Variants in ZNF728 observed in about 807,000 individuals in gnomAD.
The protein encoded by ZNF728 is zinc finger protein 728.
A neutral mutation model predicts 12.5 loss-of-function variants in ZNF728; 12 were observed. The ratio of observed to expected loss-of-function variants is 0.96; its 90% confidence interval spans 0.61 to 1.55. The LOEUF is 1.55. Among genes scored for constraint, ZNF728 ranks in the 40% most tolerant of loss-of-function variants. The pLI, the probability that ZNF728 is intolerant of heterozygous loss-of-function variation, is 0.00. For synonymous variants in ZNF728, 205 were observed against 240.7 expected (o/e 0.85, Z 1.37); for missense variants, 692 against 719.2 (o/e 0.96, Z 0.43).
chr19:22,999,870 A>G (rs1168131127), intron 1 of ZNF728, among the ~76,000 whole-genome samples: 1 of 152,222 alleles, frequency 6.6e-6, no homozygotes, highest in African/African-American at 2.4e-5. Context: ...AAAGATATTT[A>G]CTTTAGCAAG....
intron 1 of ZNF728, 126 bp downstream of exon 1, chr19:23,002,902 A>C: frequency 7.7e-7 from 1 of 1,297,072 alleles, no homozygotes; most frequent in South Asian, 1.4e-5. Flanking sequence ...CGAGCTAGGC[A>C]AGGAGAACAC....
chr19:22,991,245 A>C (rs1049201214), intron 1 of ZNF728, among the ~76,000 whole-genome samples: 1 of 152,254 alleles, frequency 6.6e-6, no homozygotes, highest in Admixed American at 6.5e-5. Context: ...TTTATTAAGC[A>C]GGTATTATGT....
intron 3 of ZNF728, among the ~76,000 whole-genome samples, chr19:22,986,902 A>T (rs1189057011): frequency 6.6e-6 from 1 of 152,156 alleles, no homozygotes; most frequent in African/African-American, 2.4e-5. Flanking sequence ...AAAACACCCA[A>T]TGATACAGAA....
chr19:22,990,578 T>C (rs1223014707), intron 1 of ZNF728, among the ~76,000 whole-genome samples: 1 of 152,220 alleles, frequency 6.6e-6, no homozygotes, highest in Non-Finnish European at 1.5e-5. Flanking sequence ...AATGGAAATA[T>C]GGGCCACGCT....
intron 1 of ZNF728, among the ~76,000 whole-genome samples, chr19:22,993,621 A>G (rs1969015539): frequency 6.6e-6 from 1 of 152,238 alleles, no homozygotes; most frequent in Non-Finnish European, 1.5e-5. Flanking sequence ...AAAAAGGAAC[A>G]GTGAGTGAGC....
intron 3 of ZNF728, among the ~76,000 whole-genome samples, chr19:22,978,039 CA>C (rs1331438200): frequency 2.0e-5 from 3 of 151,056 alleles, no homozygotes; most frequent in Non-Finnish European, 4.4e-5. Flanking sequence ...ATAAAAAATA[CA>C]AAAAGAAATA....
At chr19:22,990,045 A>G (rs1484271085) in intron 1 of ZNF728, among the ~76,000 whole-genome samples, 1 of 152,192 alleles carries the variant, frequency 6.6e-6, no homozygotes, top group Non-Finnish European at 1.5e-5. Context: ...TGCACGGCAT[A>G]TAAGAAGCCA....
chr19:22,975,411 T>G lies in ZNF728; in HGVS notation c.*57A>C. The G allele has an allele frequency of 6.9e-7, 1 of 1,459,438 alleles. No homozygotes were observed. The highest frequency in any genetic ancestry group is 9.2e-7 in the Non-Finnish European group (1 of 1,088,632). 90.4% of individuals were successfully genotyped at this position (1,459,438 alleles called of 1,614,324 possible). ...ACATTTGTAGGGTTTCCCTCCTGTA[T>G]AAATACCCTTATGTTCAGTAAGGGT... is the stretch of plus-strand genomic sequence containing the variant. On this transcript the variant is annotated 3_prime_UTR_variant, in exon 4 of 4. Coordinates refer to ENST00000594710, the MANE Select transcript of ZNF728 (RefSeq NM_001267716.2).
At chr19:22,994,757 T>C (rs1302891930) in intron 1 of ZNF728, among the ~76,000 whole-genome samples, 2 of 152,178 alleles carry the variant, frequency 1.3e-5, no homozygotes, top group Non-Finnish European at 2.9e-5. Context: ...TTGATTCGGG[T>C]GCTATCTTTT....
At position 22,976,346 on chromosome 19, in the gene ZNF728, T is replaced by C; in HGVS notation, c.991A>G (p.Lys331Glu). 6.2e-7 allele frequency: 1 copy of C among 1,613,532 alleles called. No individual in the cohort carries two copies. Among genetic ancestry groups the C allele is most frequent in the Non-Finnish European group, 8.5e-7 (1 of 1,179,946 alleles). Reference sequence around the variant, plus strand: ...GGCTTCTCTCCAGTATGAATTCTCTTATGTTCCATAAGGTTTGAGGACCGG... The same window carrying C: ...GGCTTCTCTCCAGTATGAATTCTCTCATGTTCCATAAGGTTTGAGGACCGG... ...FNRSSNLMEH[K>E]RIHTGEKPCK... is the part of the protein sequence containing the mutation. Residue 331 changes from lysine to glutamate, a missense_variant, in exon 4 of 4, where the codon AAG becomes GAG. By Grantham distance (56) the Lys-to-Glu change is moderately conservative. Transcript: ENST00000594710.
In ZNF728 at chr19:22,976,967, T is replaced by TA; in HGVS notation, c.369dup (p.Lys124Ter). On this transcript the variant is annotated frameshift_variant, in exon 4 of 4. Transcript: ENST00000594710. LOFTEE classifies it low-confidence loss of function (END_TRUNC). The stretch of plus-strand genomic sequence containing the variant: ...TTATTATAACCTTTTTTGTGCACCT[T>TA]ACACTCATCCACATTGGTACAACCA... 6.2e-7 allele frequency: 1 copy of TA among 1,613,560 alleles called. No individual in the cohort carries two copies. The highest frequency in any genetic ancestry group is 8.5e-7 in the Non-Finnish European group (1 of 1,179,756).
chr19:22,993,664 T>C (rs1969016211), intron 1 of ZNF728, among the ~76,000 whole-genome samples: 2 of 152,234 alleles, frequency 1.3e-5, no homozygotes, highest in African/African-American at 4.8e-5. Flanking sequence ...AATTCTTATT[T>C]ATGTAAAGAA....
intron 1 of ZNF728, among the ~76,000 whole-genome samples, chr19:23,002,744 A>C (rs1014345665): frequency 1.8e-4 from 27 of 152,266 alleles, no homozygotes; most frequent in African/African-American, 6.5e-4. Context: ...TGCTCCCTGC[A>C]CATCTGAGAG....
chr19:23,000,877 A>AAC (rs1969104176), intron 1 of ZNF728, among the ~76,000 whole-genome samples: 1 of 112,394 alleles, frequency 8.9e-6, no homozygotes, highest in African/African-American at 5.6e-5. Flanking sequence ...AAAAAAAAAA[A>AAC]AAAAAAAACC....
At chr19:22,986,499 T>C (rs1401305694) in intron 3 of ZNF728, among the ~76,000 whole-genome samples, 4 of 152,168 alleles carry the variant, frequency 2.6e-5, no homozygotes, top group African/African-American at 4.8e-5. Context: ...AACAATCTTA[T>C]TTACAATAGC....
rs148740905 is a variant in ZNF728, at chr19:22,977,637, CAAAG to C, written c.227-531_227-528del. On this transcript the variant is annotated intron_variant, in intron 3 of 3. Transcript: ENST00000594710. ...AATGCAGCAGAGCACTGCAGTGCTG[CAAAG>C]AGAGAAAAGGTGTAACAAGTAACTA... is the stretch of plus-strand genomic sequence containing the variant. Among the ~76,000 whole-genome samples the C allele has an allele frequency of 2.7e-3, 411 of 152,194 alleles. 4 individuals are homozygous for C. The highest frequency in any genetic ancestry group is 0.022 in the Admixed American group (343 of 15,280).
chr19:22,976,403 A>G lies in ZNF728; in HGVS notation c.934T>C (p.Tyr312His). ...GCTTTGCCACATTCTTCACATTTGT[A>G]GGGTTTCTCTCCAGCATGAATTGTC... is the stretch of plus-strand genomic sequence containing the variant. ...HKTIHAGEKP[Y>H]KCEECGKAFN... Residue 312 changes from tyrosine (Y) to histidine (H), a missense_variant, in exon 4 of 4, where the codon TAC becomes CAC. By Grantham distance (83) the Tyr-to-His change is moderately conservative. This residue lies in a region of ZNF728 where 440 missense variants were observed against 459.6 expected (regional missense o/e 0.96). Coordinates refer to ENST00000594710, the MANE Select transcript of ZNF728 (RefSeq NM_001267716.2). The G allele has an allele frequency of 1.2e-6, 2 of 1,613,286 alleles. No individual in the cohort carries two copies. Among genetic ancestry groups the G allele is most frequent in the Non-Finnish European group, 1.7e-6 (2 of 1,179,932 alleles).
chr19:22,976,023 G>A lies in ZNF728; in HGVS notation c.1314C>T (p.Ser438=). ...ECGKAFTTFS[S]LTKHKVIHTG... ...TATGAATTACTTTATGTTTAGTAAG[G>A]CTCGAAAATGTAGTAAAGGCTTTGC... Residue 438 remains serine (S), a synonymous_variant, in exon 4 of 4, where the codon AGC becomes AGT. Coordinates refer to ENST00000594710, the MANE Select transcript of ZNF728 (RefSeq NM_001267716.2). 1 of 1,589,728 alleles carries A rather than the reference G, an allele frequency of 6.3e-7. No homozygotes were observed. The highest frequency in any genetic ancestry group is 1.7e-4 in the Middle Eastern group (1 of 5,988).
intron 3 of ZNF728, among the ~76,000 whole-genome samples, chr19:22,981,642 A>C (rs915994831): frequency 1.3e-5 from 2 of 152,198 alleles, no homozygotes; most frequent in Non-Finnish European, 2.9e-5. Context: ...AAATACTTGC[A>C]AACTGAATCC....
Sources: allele counts gnomAD v4.1 joint callset (sites outside exome capture counted in the v4.1 genomes callset), GRCh38; gene constraint gnomAD v4.1.1; regional missense constraint gnomAD v4.1.1; transcripts MANE v1.5; gene names NCBI Gene and HGNC (gene_info 2026-07-23, HGNC 2026-07-21).